The following TECR variants were observed in gnomAD, a reference collection of about 807,000 sequenced individuals.
The protein encoded by TECR is trans-2,3-enoyl-CoA reductase.
Under a neutral mutation model 50.6 loss-of-function variants are expected in TECR, and 19 were observed. The observed-to-expected ratio is 0.38, with a 90% confidence interval of 0.26 to 0.55. The LOEUF is 0.55. TECR is among the 20% of genes least tolerant of loss of function. The probability of loss-of-function intolerance (pLI) is 0.79; values close to 1 mark genes in which losing one functional copy is unlikely to be tolerated. For synonymous variants in TECR, 168 were observed against 163.5 expected, an observed-to-expected ratio of 1.03 and a Z score of -0.21; for missense variants, 313 against 408.3, an observed-to-expected ratio of 0.77 and a Z score of 2.01.
At chr19:14,546,397 G>C (rs2073308296) in intron 1 of TECR, among the ~76,000 whole-genome samples, 1 of 152,088 alleles carries the variant, frequency 6.6e-6, no homozygotes, top group South Asian at 2.1e-4. Flanking sequence ...GACCAGCCTG[G>C]TCAACATGCT....
At chr19:14,532,165 T>C (rs551214244) in intron 1 of TECR, 12 of 152,278 alleles carry the variant, frequency 7.9e-5, no homozygotes, top group African/African-American at 2.2e-4. Context: ...GTGCTTTTGT[T>C]CCAGGAAGCT....
chr19:14,533,288 C>T (rs1339050725), intron 1 of TECR, among the ~76,000 whole-genome samples: 1 of 151,802 alleles, frequency 6.6e-6, no homozygotes, highest in Non-Finnish European at 1.5e-5. Flanking sequence ...GGTGTGGTGG[C>T]GCACGCCTGA....
chr19:14,551,572 G>C (rs1210628448), intron 1 of TECR, among the ~76,000 whole-genome samples: 1 of 152,150 alleles, frequency 6.6e-6, no homozygotes, highest in Non-Finnish European at 1.5e-5. Context: ...ACGCGCCCCT[G>C]CTTTTCTAGG....
intron 1 of TECR, among the ~76,000 whole-genome samples, chr19:14,550,761 A>G (rs1046560516): frequency 1.3e-5 from 2 of 151,998 alleles, no homozygotes; most frequent in Admixed American, 6.6e-5. Flanking sequence ...GCTCACTGCA[A>G]CCTTCACCTC....
chr19:14,542,416 C>T (rs1268563929), intron 1 of TECR, among the ~76,000 whole-genome samples: 2 of 121,676 alleles, frequency 1.6e-5, no homozygotes, highest in Non-Finnish European at 3.2e-5. Context: ...GTCTGGAGTG[C>T]AGTGGTGCAA....
intron 1 of TECR, among the ~76,000 whole-genome samples, chr19:14,556,518 C>G (rs1030417216): frequency 6.6e-6 from 1 of 152,164 alleles, no homozygotes; most frequent in African/African-American, 2.4e-5. Flanking sequence ...GCCCCCACCC[C>G]CTGCTTGCCC....
Position 14,541,676 on chromosome 19 carries a change from G to A in TECR, c.15+11965G>A, listed in dbSNP as rs138482222. 3.6e-3 allele frequency among the ~76,000 whole-genome samples: 550 copies of A among 152,280 alleles called. 6 individuals carry two copies. Among genetic ancestry groups the A allele is most frequent in the African/African-American group, 0.011 (474 of 41,558 alleles). Reference sequence around the variant, plus strand: ...TTCTAGGCAGAGGGAACCGAGTGGTGTGTGCAGAGGCATGGAGCCCAGAGT... The same window carrying A: ...TTCTAGGCAGAGGGAACCGAGTGGTATGTGCAGAGGCATGGAGCCCAGAGT... On this transcript the variant is annotated intron_variant, in intron 1 of 12. Coordinates refer to ENST00000215567, the MANE Select transcript of TECR (RefSeq NM_138501.6).
At chr19:14,538,897 A>G (rs2072999092) in intron 1 of TECR, among the ~76,000 whole-genome samples, 1 of 151,896 alleles carries the variant, frequency 6.6e-6, no homozygotes, top group Non-Finnish European at 1.5e-5. Flanking sequence ...ATGTCAAATC[A>G]TATGCCCAGA....
chr19:14,528,613 C>CA (rs2072493083), upstream of TECR, among the ~76,000 whole-genome samples: 1 of 152,118 alleles, frequency 6.6e-6, no homozygotes, highest in East Asian at 1.9e-4. Context: ...AGGCAGAGAC[C>CA]AATGTAGTTC....
In TECR at chr19:14,543,431, T is replaced by A. The variant is rs1383981652; in HGVS notation, c.15+13720T>A. Among the ~76,000 whole-genome samples, 118 of 23,314 alleles carry A rather than the reference T, an allele frequency of 5.1e-3. 1 individual carries two copies. Among genetic ancestry groups the A allele is most frequent in the African/African-American group, 6.8e-3 (55 of 8,068 alleles). 15.3% of individuals were successfully genotyped at this position (23,314 alleles called of 152,430 possible). ...TATATATATATATATTTTTTTTTTT[T>A]TTTTTTTTTTTTTTTTTTTTTTTTT... On this transcript the variant is annotated intron_variant, in intron 1 of 12. Transcript: ENST00000215567.
chr19:14,543,671 C>T (rs1342158509), intron 1 of TECR, among the ~76,000 whole-genome samples: 1 of 150,316 alleles, frequency 6.7e-6, no homozygotes, highest in Non-Finnish European at 1.5e-5. Flanking sequence ...ATCTCCTGAC[C>T]TCGTGATCCT....
intron 1 of TECR, among the ~76,000 whole-genome samples, chr19:14,534,675 G>A (rs936501471): frequency 2.0e-5 from 3 of 152,080 alleles, no homozygotes; most frequent in Admixed American, 6.6e-5. Context: ...GGGCTCAAGC[G>A]ATCCTCCTGC....
chr19:14,563,565 C>T lies in TECR; in HGVS notation c.119-93C>T. On this transcript the variant is annotated intron_variant, in intron 3 of 12. Coordinates refer to ENST00000215567, the MANE Select transcript of TECR (RefSeq NM_138501.6). This position sits in a 1 kb window ranked among gnomAD's most constrained non-coding sequence, Gnocchi z 5.3. ...TGTGGAGTCCTGGGGTCCTTGCACC[C>T]TGGGAACCCTGAGAAGCTGGCACAG... is the stretch of plus-strand genomic sequence containing the variant. 1 of 1,567,498 alleles carries T rather than the reference C, an allele frequency of 6.4e-7. No individual in the cohort carries two copies. The highest frequency in any genetic ancestry group is 8.7e-7 in the Non-Finnish European group (1 of 1,145,576).
At chr19:14,559,038 C>A (rs376919685) in intron 1 of TECR, among the ~76,000 whole-genome samples, 1 of 152,066 alleles carries the variant, frequency 6.6e-6, no homozygotes, top group South Asian at 2.1e-4. Context: ...GGGTGTGGGG[C>A]GCGGAGCCCT....
intron 1 of TECR, chr19:14,531,776 G>A (rs959795955): frequency 2.0e-5 from 3 of 152,156 alleles, no homozygotes; most frequent in African/African-American, 7.2e-5. Context: ...TATCAAGAAT[G>A]AGGAGGTTTG....
intron 1 of TECR, among the ~76,000 whole-genome samples, chr19:14,549,817 C>T (rs2073431635): frequency 6.6e-6 from 1 of 151,942 alleles, no homozygotes; most frequent in South Asian, 2.1e-4. Context: ...GTGGCATGCA[C>T]CCGTAATCCC....
At chr19:14,531,865 T>A (rs1273542333) in intron 1 of TECR, 1 of 152,136 alleles carries the variant, frequency 6.6e-6, no homozygotes, top group African/African-American at 2.4e-5. Context: ...ACTCTATATC[T>A]AAACCTGTAG....
At chr19:14,562,021 C>T in intron 1 of TECR, 1 of 282,170 alleles carries the variant, frequency 3.5e-6, no homozygotes. Context: ...CTGGGGCTTT[C>T]CCTGTGCTGG....
At chr19:14,562,978 G>A (rs2073946374) in intron 2 of TECR, among the ~76,000 whole-genome samples, 1 of 152,072 alleles carries the variant, frequency 6.6e-6, no homozygotes, top group Non-Finnish European at 1.5e-5. Flanking sequence ...AGCCGGGCTG[G>A]GGGCCTGCTG....
Sources: allele counts gnomAD v4.1 joint callset (sites outside exome capture counted in the v4.1 genomes callset), GRCh38; gene constraint gnomAD v4.1.1; non-coding constraint Gnocchi (gnomAD v3.1); transcripts MANE v1.5; gene names NCBI Gene and HGNC (gene_info 2026-07-23, HGNC 2026-07-21).